The following HK1 variants were observed in gnomAD, a reference collection of about 807,000 sequenced individuals.
HK1 encodes the protein hexokinase 1, also known as hexokinase-1.
A neutral mutation model predicts 91.6 loss-of-function variants in HK1; 28 were observed. The observed-to-expected ratio is 0.31, with a 90% CI of 0.23 to 0.42. The LOEUF is 0.42. Ranked by LOEUF, HK1 falls within the 10% of genes least tolerant of loss-of-function variation. The probability of loss-of-function intolerance (pLI) is 1.00; values close to 1 mark genes in which losing one functional copy is unlikely to be tolerated. For synonymous variants in HK1, 430 were observed against 468.1 expected, an observed-to-expected ratio of 0.92 and a Z score of 1.05; for missense variants, 770 against 1,219.8, an observed-to-expected ratio of 0.63 and a Z score of 5.49.
intron 1 of HK1, among the ~76,000 whole-genome samples, chr10:69,334,930 TG>T (rs1307366152): frequency 1.3e-5 from 2 of 151,292 alleles, no homozygotes; most frequent in African/African-American, 4.9e-5. Flanking sequence ...GAAGGTGAGT[TG>T]GGAGGTGAGC....
chr10:69,388,143 T>G (rs1310044116), intron 13 of HK1, among the ~76,000 whole-genome samples: 1 of 152,084 alleles, frequency 6.6e-6, no homozygotes, highest in Admixed American at 6.6e-5. Context: ...ATTGAAAATA[T>G]AGCTGCGGGT....
At chr10:69,337,989 A>G (rs1816422580) in intron 1 of HK1, 1 of 154,270 alleles carries the variant, frequency 6.5e-6, no homozygotes, top group South Asian at 2.0e-4. Flanking sequence ...CGGGCACAGA[A>G]ATGTTTGTGA....
At chr10:69,350,729 TTAAG>T (rs926160420) in intron 2 of HK1, among the ~76,000 whole-genome samples, 4 of 152,038 alleles carry the variant, frequency 2.6e-5, no homozygotes, top group African/African-American at 9.7e-5. Flanking sequence ...AGCAAATTAA[TTAAG>T]TAAAATATTA....
At chr10:69,343,640 G>A (rs781440169) in intron 1 of HK1, among the ~76,000 whole-genome samples, 187 bp from the exon 2 acceptor site, 3 of 152,188 alleles carry the variant, frequency 2.0e-5, no homozygotes, top group Non-Finnish European at 2.9e-5. Context: ...AGGAACTAGG[G>A]CTCAGAGCAT....
chr10:69,276,320 G>A (rs1016821775), intron 1 of HK1, among the ~76,000 whole-genome samples: 10 of 151,372 alleles, frequency 6.6e-5, no homozygotes, highest in Admixed American at 2.0e-4. Context: ...TATTTCTGTA[G>A]GTCTAACAAT....
At chr10:69,318,600 G>C (rs907397169), upstream of HK1, among the ~76,000 whole-genome samples, 2 of 152,292 alleles carry the variant, frequency 1.3e-5, no homozygotes, top group South Asian at 4.1e-4. Context: ...GGATGATGCG[G>C]GGTCGGGGGG....
intron 2 of HK1, among the ~76,000 whole-genome samples, chr10:69,346,848 T>G (rs1848586107): frequency 6.6e-6 from 1 of 152,166 alleles, no homozygotes; most frequent in Admixed American, 6.6e-5. Flanking sequence ...GAATTCCCTC[T>G]TCAAAGCTAC....
chr10:69,314,386 C>T (rs541406846), upstream of HK1, among the ~76,000 whole-genome samples: 2 of 152,276 alleles, frequency 1.3e-5, no homozygotes, highest in South Asian at 2.1e-4. Flanking sequence ...GGCTTTGGTG[C>T]AGCCAGGTTG....
chr10:69,330,367 G>A (rs1177575472), intron 1 of HK1, among the ~76,000 whole-genome samples: 1 of 151,768 alleles, frequency 6.6e-6, no homozygotes, highest in African/African-American at 2.4e-5. Context: ...TTGGATGTAG[G>A]AATTTCTTCC....
At chr10:69,324,494 A>G (rs1309513572) in intron 1 of HK1, among the ~76,000 whole-genome samples, 1 of 152,204 alleles carries the variant, frequency 6.6e-6, no homozygotes, top group Non-Finnish European at 1.5e-5. Flanking sequence ...CGGGAGGCTG[A>G]GGCAGAAGAA....
intron 1 of HK1, among the ~76,000 whole-genome samples, chr10:69,336,576 A>G (rs1026098768): frequency 6.7e-6 from 1 of 150,178 alleles, no homozygotes; most frequent in Non-Finnish European, 1.5e-5. Context: ...CATTTTTTTC[A>G]GGCATATTGC....
chr10:69,340,593 A>G (rs1433413403), intron 1 of HK1, among the ~76,000 whole-genome samples: 9 of 152,130 alleles, frequency 5.9e-5, no homozygotes, highest in Non-Finnish European at 1.2e-4. Context: ...CGATATCACT[A>G]TGTTGCTCAG....
At chr10:69,384,222 C>T (rs1839524554) in intron 10 of HK1, 111 bp from the exon 11 acceptor site, 1 of 1,304,576 alleles carries the variant, frequency 7.7e-7, no homozygotes, top group Admixed American at 1.7e-5. Context: ...GCAGCTTCTC[C>T]TCTATGTTTG....
chr10:69,281,616 C>T (rs535926467), intron 1 of HK1, among the ~76,000 whole-genome samples: 1 of 152,296 alleles, frequency 6.6e-6, no homozygotes, highest in African/African-American at 2.4e-5. Context: ...TCATGATTCA[C>T]AATTTGCAAC....
At position 69,398,805 on chromosome 10, in the gene HK1, G is replaced by C; in HGVS notation, c.2586G>C (p.Gly862=). The C allele has an allele frequency of 6.2e-7, 1 of 1,613,152 alleles. No homozygotes were observed. Among genetic ancestry groups the C allele is most frequent in the Non-Finnish European group, 8.5e-7 (1 of 1,179,128 alleles). The change falls in exon 17 of 18, where the codon GGG becomes GGC. Residue 862 remains glycine, a synonymous_variant. Transcript: ENST00000359426. ...DRLNVTVGVD[G]TLYKLHPHFS... is the part of the protein sequence containing the mutation. ...TGAATGTGACTGTGGGAGTGGACGG[G>C]ACACTCTACAAGCTTCATCCACAGT... is the stretch of plus-strand genomic sequence containing the variant.
chr10:69,318,205 G>A (rs1386943496), upstream of HK1: 2 of 985,346 alleles, frequency 2.0e-6, no homozygotes, highest in Non-Finnish European at 2.4e-6. Context: ...GCACGCCGGG[G>A]AGAGGTGATG....
rs777108601 is a variant in HK1, at chr10:69,380,050, G to A, written c.1220G>A (p.Arg407Gln). Residue 407 changes from arginine (R) to glutamine (Q), a missense_variant, in exon 9 of 18, where the codon CGG becomes CAG. This residue lies in a region of HK1 where 449 missense variants were observed against 665.1 expected (regional missense o/e 0.68). Coordinates refer to ENST00000359426, the MANE Select transcript of HK1 (RefSeq NM_000188.3). The surrounding 1 kb of genome is among the most constrained non-coding windows in gnomAD (Gnocchi z 4.0). ...GATAACAAGGGCACACCCAGGCTGC[G>A]GACCACGGTTGGTGTCGACGGATCT... Reference protein sequence around the residue: ...LRDNKGTPRLRTTVGVDGSLY... With the variant: ...LRDNKGTPRLQTTVGVDGSLY... 18 of 1,613,996 alleles carry A rather than the reference G, an allele frequency of 1.1e-5. No homozygotes were observed. The highest frequency in any genetic ancestry group is 6.7e-5 in the Admixed American group (4 of 60,000).
chr10:69,365,234 A>G (rs1356706325), intron 4 of HK1, among the ~76,000 whole-genome samples: 5 of 152,216 alleles, frequency 3.3e-5, no homozygotes, highest in Non-Finnish European at 5.9e-5. Context: ...CCAGAATTGC[A>G]TGGTGTGATG....
intron 1 of HK1, among the ~76,000 whole-genome samples, chr10:69,282,044 G>C (rs1025520171): frequency 1.3e-5 from 2 of 152,090 alleles, no homozygotes; most frequent in Non-Finnish European, 2.9e-5. Context: ...AAGAATTAAG[G>C]CTCCAGGGCT....
Sources: allele counts gnomAD v4.1 joint callset (sites outside exome capture counted in the v4.1 genomes callset), GRCh38; gene constraint gnomAD v4.1.1; regional missense constraint gnomAD v4.1.1; non-coding constraint Gnocchi (gnomAD v3.1); transcripts MANE v1.5; gene names NCBI Gene and HGNC (gene_info 2026-07-23, HGNC 2026-07-21).